The following MFRP variants were observed in gnomAD, a reference collection of about 807,000 sequenced individuals.
MFRP encodes the protein C1q and TNF related 5.
In MFRP, 74 loss-of-function variants were observed where a neutral mutation model predicts 65.8. That is an observed-to-expected ratio of 1.12 (90% confidence interval 0.93 to 1.36). The LOEUF is 1.36. Among genes scored for constraint, MFRP ranks in the 40% most tolerant of loss-of-function variants. MFRP has a pLI of 0.00. For synonymous variants in MFRP, 336 were observed against 288.3 expected, an observed-to-expected ratio of 1.17 and a Z score of -1.68; for missense variants, 838 against 736.0, an observed-to-expected ratio of 1.14 and a Z score of -1.60.
chr11:119,346,133 C>T lies in MFRP; in HGVS notation c.184G>A (p.Asp62Asn), dbSNP rs2135374503. The T allele has an allele frequency of 1.9e-6, 3 of 1,601,556 alleles. No homozygotes were observed. Among genetic ancestry groups the T allele is most frequent in the Middle Eastern group, 3.3e-4 (2 of 6,046 alleles). Residue 62 changes from aspartate (D) to asparagine (N), a missense_variant, in exon 3 of 15, where the codon GAC becomes AAC. Physicochemically the swap from Asp to Asn is conservative, Grantham distance 23 (BLOSUM62 1). Transcript: ENST00000619721. The stretch of plus-strand genomic sequence containing the variant: ...ACACAGAGCCAGGAGAAGCGGCAGT[C>T]TGGCCGTAGCCCTCGAGGACGCCGA... The part of the protein sequence containing the change: ...HGRRPRGLRP[D>N]CRFSWLCVLL...
intron 9 of MFRP, among the ~76,000 whole-genome samples, chr11:119,343,578 C>T (rs552157895): frequency 3.9e-4 from 59 of 152,070 alleles, no homozygotes; most frequent in Admixed American, 1.2e-3. Context: ...TGGCCCCTGC[C>T]GGTGGGGAGG....
chr11:119,341,761 G>T lies in MFRP; in HGVS notation c.1527C>A (p.Ser509Arg). The change falls in exon 13 of 15, where the codon AGC (serine) becomes AGA (arginine). Residue 509 changes from serine to arginine, a missense_variant. Physicochemically the swap from Ser to Arg is moderately radical, Grantham distance 110. Coordinates refer to ENST00000619721, the MANE Select transcript of MFRP (RefSeq NM_031433.4). ...EVLSGYKSLT[S>R]LPCYQHFRRL... Reference sequence around the variant, plus strand: ...TCCGGAAATGCTGGTAGCAGGGCAGGCTTGTCAGGCTCTGCGGAGGGAGAG... The same window carrying T: ...TCCGGAAATGCTGGTAGCAGGGCAGTCTTGTCAGGCTCTGCGGAGGGAGAG... 1.9e-6 allele frequency: 3 copies of T among 1,613,312 alleles called. No homozygotes were observed. Among genetic ancestry groups the T allele is most frequent in the Non-Finnish European group, 2.5e-6 (3 of 1,180,014 alleles).
In MFRP at chr11:119,339,933, C is replaced by G. The variant is rs1950483371; in HGVS notation, c.*1111-85G>C. 3.6e-6 allele frequency: 5 copies of G among 1,401,652 alleles called. No homozygotes were observed. In the East Asian group the frequency reaches 1.4e-4, roughly 38 times the overall value. The allele number at this position is 1,401,652 out of a possible 1,614,324, so 86.8% of individuals were successfully genotyped here. A position where few individuals can be genotyped will look rare whatever the true frequency, so the allele number is the denominator to read the frequency against. On this transcript the variant is annotated intron_variant, in intron 14 of 14. Transcript: ENST00000619721. The surrounding 1 kb of genome is among the most constrained non-coding windows in gnomAD (Gnocchi z 5.4). The stretch of plus-strand genomic sequence containing the variant: ...GCGACTCTAAGGTCACCGTACCCCT[C>G]CCCGCCCCTGCCTGAGCTTCGGCCA...
chr11:119,342,187 A>G (rs1023097993), intron 11 of MFRP, among the ~76,000 whole-genome samples: 1 of 152,222 alleles, frequency 6.6e-6, no homozygotes, highest in Non-Finnish European at 1.5e-5. Flanking sequence ...ATCGCTTGCC[A>G]GCCCTGGGCA....
Position 119,344,933 on chromosome 11 carries a change from T to G in MFRP, c.713A>C (p.Asp238Ala). 6.2e-7 allele frequency: 1 copy of G among 1,611,274 alleles called. No individual in the cohort carries two copies. The highest frequency in any genetic ancestry group is 8.5e-7 in the Non-Finnish European group (1 of 1,179,220). Residue 238 changes from aspartate (D) to alanine (A), a missense_variant, in exon 6 of 15, where the codon GAC becomes GCC. Transcript: ENST00000619721. ...GAAACCAAATCCTTCCACACTGCTGTCAGAGACGAAGACCACCAGGAGGTG... is the reference window on the plus strand; with the variant it reads ...GAAACCAAATCCTTCCACACTGCTGGCAGAGACGAAGACCACCAGGAGGTG... ...ASHLLVVFVS[D>A]SSVEGFGFHA...
chr11:119,340,284 C>A lies in MFRP; in HGVS notation c.*1010G>T. 2 of 1,530,974 alleles carry A rather than the reference C, an allele frequency of 1.3e-6. No homozygotes were observed. The highest frequency in any genetic ancestry group is 1.8e-6 in the Non-Finnish European group (2 of 1,140,668). 94.8% of individuals were successfully genotyped at this position (1,530,974 alleles called of 1,614,324 possible). ...GCAAGCCCTGGCTGCCATGGTGGCC[C>A]GGCGTGCCTGGAAGGCCGGGGTGCC... On this transcript the variant is annotated 3_prime_UTR_variant, in exon 14 of 15. Transcript: ENST00000619721.
At position 119,339,154 on chromosome 11, in the gene MFRP, C is replaced by T; in HGVS notation, c.*1805G>A. 1 of 701,198 alleles carries T rather than the reference C, an allele frequency of 1.4e-6. No individual in the cohort carries two copies. Among genetic ancestry groups the T allele is most frequent in the Non-Finnish European group, 2.3e-6 (1 of 428,986 alleles). The allele number at this position is 701,198 out of a possible 1,614,324, so 43.4% of individuals were successfully genotyped here. ...CAGCCACTGCCCCATGCTGCCAGACCTGATCGCAGACAGCCACTGTTCCCA... is the reference window on the plus strand; with the variant it reads ...CAGCCACTGCCCCATGCTGCCAGACTTGATCGCAGACAGCCACTGTTCCCA... On this transcript the variant is annotated 3_prime_UTR_variant, in exon 15 of 15. Coordinates refer to ENST00000619721, the MANE Select transcript of MFRP (RefSeq NM_031433.4). This position sits in a 1 kb window ranked among gnomAD's most constrained non-coding sequence, Gnocchi z 5.4.
rs1422886213 is a variant in MFRP, at chr11:119,342,719, C to T, written c.1264G>A (p.Gly422Arg). 1 of 1,613,526 alleles carries T rather than the reference C, an allele frequency of 6.2e-7. No homozygotes were observed. The highest frequency in any genetic ancestry group is 1.3e-5 in the African/African-American group (1 of 74,910). Reference protein sequence around the residue: ...LAFNATENPCGPSELSCQAGG... With the variant: ...LAFNATENPCRPSELSCQAGG... ...GCCTGGCAGGAGAGCTCACTGGGCC[C>T]ACAGGGGTCTGCAGGCACAAGGGGC... Residue 422 changes from glycine to arginine, a missense_variant, in exon 11 of 15, where the codon GGG (glycine) becomes AGG (arginine). By Grantham distance (125) the Gly-to-Arg change is moderately radical. Transcript: ENST00000619721.
At position 119,339,205 on chromosome 11, in the gene MFRP, G is replaced by T; in HGVS notation, c.*1754C>A. 9.3e-7 allele frequency: 1 copy of T among 1,080,930 alleles called. No homozygotes were observed. The highest frequency in any genetic ancestry group is 1.6e-5 in the African/African-American group (1 of 62,906). 67.0% of individuals were successfully genotyped at this position (1,080,930 alleles called of 1,614,324 possible). A position where few individuals can be genotyped will look rare whatever the true frequency, so the allele number is the denominator to read the frequency against. ...TTCCTTGCCAGCAGCAGGACGGAGA[G>T]TGCTCTACCCCACCTCCCTAGTCAT... On this transcript the variant is annotated 3_prime_UTR_variant, in exon 15 of 15. Transcript: ENST00000619721. This position sits in a 1 kb window ranked among gnomAD's most constrained non-coding sequence, Gnocchi z 5.4.
In MFRP at chr11:119,345,608, T is replaced by G. The variant is rs776144292; in HGVS notation, c.453A>C (p.Pro151=). 8.2e-5 allele frequency: 132 copies of G among 1,613,644 alleles called. No homozygotes were observed. The highest frequency in any genetic ancestry group is 1.1e-4 in the Non-Finnish European group (126 of 1,179,976). The part of the protein sequence containing the change: ...QSTCGGLLSG[P]RGFFSSPNYP... The stretch of plus-strand genomic sequence containing the variant: ...AGTTAGGGCTGCTGAAGAAGCCCCT[T>G]GGGCCAGAGAGGAGGCCTCCACAGG... Residue 151 remains proline (P), a synonymous_variant, in exon 5 of 15, where the codon CCA becomes CCC. Coordinates refer to ENST00000619721, the MANE Select transcript of MFRP (RefSeq NM_031433.4).
Position 119,343,847 on chromosome 11 carries a change from T to C in MFRP, c.1093A>G (p.Ser365Gly). Residue 365 changes from serine (S) to glycine (G), a missense_variant, in exon 9 of 15, where the codon AGC becomes GGC. By Grantham distance (56) the Ser-to-Gly change is moderately conservative. Transcript: ENST00000619721. ...AGGAGGCTGAAGGCCCCTGAGCTGC[T>C]GGTCTCATACACCTCCACGTAGTCA... The part of the protein sequence containing the change: ...KFDYVEVYET[S>G]SSGAFSLLGR... The C allele has an allele frequency of 6.2e-7, 1 of 1,613,984 alleles. No individual in the cohort carries two copies. The highest frequency in any genetic ancestry group is 8.5e-7 in the Non-Finnish European group (1 of 1,179,986).
Position 119,345,831 on chromosome 11 carries a change from C to T in MFRP, c.369G>A (p.Gln123=), listed in dbSNP as rs1303307683. ...GCTGCCCTTTAGGGGTCCCAGCTGC[C>T]TGAGAGGTGGTGATGGTGGGGGTGG... ...TTTTPTITTS[Q]AAGTPKGQQE... is the part of the protein sequence containing the mutation. The change falls in exon 4 of 15, where the codon CAG becomes CAA. Residue 123 remains glutamine, a synonymous_variant. Coordinates refer to ENST00000619721, the MANE Select transcript of MFRP (RefSeq NM_031433.4). 1.9e-6 allele frequency: 3 copies of T among 1,613,928 alleles called. No homozygotes were observed. The South Asian group carries it at 3.3e-5, about 18-fold the overall frequency.
At chr11:119,344,170 T>A (rs2135371145) in intron 8 of MFRP, 145 bp downstream of exon 8, 1 of 964,752 alleles carries the variant, frequency 1.0e-6, no homozygotes, top group South Asian at 1.4e-5. Context: ...AGGCACTTAA[T>A]AATATTCCCC....
Position 119,345,384 on chromosome 11 carries a change from G to A in MFRP, c.641+36C>T, listed in dbSNP as rs555397482. On this transcript the variant is annotated intron_variant, in intron 5 of 14. Transcript: ENST00000619721. ...TTCTGCTCTTTAGATAGTGGTTCAGGACACGGTGGGATGTCCTGGGGACAG... is the reference window on the plus strand; with the variant it reads ...TTCTGCTCTTTAGATAGTGGTTCAGAACACGGTGGGATGTCCTGGGGACAG... 16 of 1,599,694 alleles carry A rather than the reference G, an allele frequency of 1.0e-5. No homozygotes were observed. The Admixed American group carries it at 2.2e-4, about 22-fold the overall frequency.
In MFRP at chr11:119,339,290, CCTT is replaced by C. The variant is rs1343994164; in HGVS notation, c.*1666_*1668del. On this transcript the variant is annotated 3_prime_UTR_variant, in exon 15 of 15. Coordinates refer to ENST00000619721, the MANE Select transcript of MFRP (RefSeq NM_031433.4). This position sits in a 1 kb window ranked among gnomAD's most constrained non-coding sequence, Gnocchi z 5.4. ...GACCTGGTTGTCAGCCTCACACCCT[CCTT>C]CTAGGAGTGAGAGCATGAGCTCACT... 16 of 1,594,768 alleles carry C rather than the reference CCTT, an allele frequency of 1.0e-5. No individual in the cohort carries two copies. The highest frequency in any genetic ancestry group is 5.4e-5 in the African/African-American group (4 of 74,428).
intron 8 of MFRP, 71 bp downstream of exon 8, chr11:119,344,244 C>G: frequency 7.2e-7 from 1 of 1,398,426 alleles, no homozygotes; most frequent in Non-Finnish European, 1.0e-6. Flanking sequence ...ATGCCATTCC[C>G]ATTACACTAA....
In MFRP at chr11:119,342,708, C is replaced by T; in HGVS notation, c.1275G>A (p.Glu425=). The part of the protein sequence containing the change: ...NATENPCGPS[E]LSCQAGGCKG... ...TACACCCTCCTGCCTGGCAGGAGAG[C>T]TCACTGGGCCCACAGGGGTCTGCAG... The change falls in exon 11 of 15, where the codon GAG becomes GAA. Residue 425 remains glutamate (E), a synonymous_variant. Coordinates refer to ENST00000619721, the MANE Select transcript of MFRP (RefSeq NM_031433.4). 6.2e-7 allele frequency: 1 copy of T among 1,613,438 alleles called. No homozygotes were observed. The highest frequency in any genetic ancestry group is 8.5e-7 in the Non-Finnish European group (1 of 1,179,790).
intron 7 of MFRP, 79 bp from the exon 8 acceptor site, chr11:119,344,470 G>A (rs532998931): frequency 1.2e-4 from 182 of 1,554,160 alleles, no homozygotes; most frequent in Admixed American, 1.1e-3. Context: ...ATTACAGAGC[G>A]AGAGTTTTGG....
In MFRP at chr11:119,345,861, G is replaced by A; in HGVS notation, c.339C>T (p.Thr113=). The change falls in exon 4 of 15, where the codon ACC becomes ACT. Residue 113 remains threonine, a synonymous_variant. Transcript: ENST00000619721. ...AGGTGGTGATGGTGGGGGTGGTGGT[G>A]GTCGTGGTAAGGCCTCCGGCAGGCA... ...SPLPAGGLTT[T]TTTPTITTSQ... is the part of the protein sequence containing the mutation. 3 of 1,613,866 alleles carry A rather than the reference G, an allele frequency of 1.9e-6. No homozygotes were observed. The highest frequency in any genetic ancestry group is 2.5e-6 in the Non-Finnish European group (3 of 1,179,944).
Sources: gnomAD v4.1 joint callset for allele counts (sites outside exome capture counted in the v4.1 genomes callset) on GRCh38, gnomAD v4.1.1 for gene constraint, Gnocchi (gnomAD v3.1) non-coding constraint, MANE v1.5 for transcripts, NCBI Gene and HGNC (gene_info 2026-07-23, HGNC 2026-07-21) for gene names.